The following SYNDIG1 variants were observed in gnomAD, a reference collection of about 807,000 sequenced individuals.
SYNDIG1 encodes synapse differentiation inducing 1, also known as synapse differentiation-inducing gene protein 1.
SYNDIG1 carries 9 observed loss-of-function variants against 19.4 expected under a neutral mutation model. The observed-to-expected ratio is 0.46, with a 90% CI of 0.28 to 0.81. The LOEUF is 0.81. SYNDIG1 is among the 30% of genes least tolerant of loss of function. The pLI is 0.12. For missense variants in SYNDIG1, 311 were observed against 343.3 expected, an observed-to-expected ratio of 0.91 and a Z score of 0.74; for synonymous variants, 141 against 145.9, an observed-to-expected ratio of 0.97 and a Z score of 0.24.
At chr20:24,648,181 A>G (rs1487073110) in intron 3 of SYNDIG1, among the ~76,000 whole-genome samples, 2 of 152,166 alleles carry the variant, frequency 1.3e-5, no homozygotes, top group Admixed American at 6.5e-5. Context: ...GTACACATAC[A>G]TGCAGTCCAT....
chr20:24,480,799 A>C (rs1030821037), intron 1 of SYNDIG1, among the ~76,000 whole-genome samples: 1 of 152,228 alleles, frequency 6.6e-6, no homozygotes, highest in Non-Finnish European at 1.5e-5. Flanking sequence ...CAGCCTTGAA[A>C]AGAAAAGAAA....
intron 3 of SYNDIG1, among the ~76,000 whole-genome samples, chr20:24,626,707 TG>T (rs1249035479): frequency 1.3e-5 from 2 of 152,130 alleles, no homozygotes; most frequent in African/African-American, 2.4e-5. Context: ...CTCGGCACTT[TG>T]GGGGGCCAAG....
intron 3 of SYNDIG1, among the ~76,000 whole-genome samples, chr20:24,630,658 A>G (rs903285082): frequency 6.6e-6 from 1 of 152,208 alleles, no homozygotes; most frequent in Non-Finnish European, 1.5e-5. Flanking sequence ...GGCTGCAGCA[A>G]CATCCACACT....
At chr20:24,504,981 A>T (rs1010873078) in intron 1 of SYNDIG1, among the ~76,000 whole-genome samples, 3 of 152,196 alleles carry the variant, frequency 2.0e-5, no homozygotes, top group Admixed American at 6.5e-5. Flanking sequence ...ACAAGGGGGA[A>T]GAATCAGTAG....
intron 3 of SYNDIG1, among the ~76,000 whole-genome samples, chr20:24,632,933 A>G (rs2059265540): frequency 6.6e-6 from 1 of 151,388 alleles, no homozygotes; most frequent in African/African-American, 2.4e-5. Flanking sequence ...GGGTACTGCC[A>G]TAGATTATGT....
At chr20:24,546,010 C>T (rs894049972) in intron 2 of SYNDIG1, among the ~76,000 whole-genome samples, 11 of 152,156 alleles carry the variant, frequency 7.2e-5, no homozygotes, top group African/African-American at 2.7e-4. Context: ...CAAGAAATGG[C>T]CCCTTCCACA....
At chr20:24,623,176 C>CAAA (rs56072016) in intron 3 of SYNDIG1, among the ~76,000 whole-genome samples, 1 of 140,678 alleles carries the variant, frequency 7.1e-6, no homozygotes, top group African/African-American at 2.7e-5. Context: ...AAGACTCCGT[C>CAAA]AAAAAAAAAA....
chr20:24,498,501 C>G (rs1245117591), intron 1 of SYNDIG1, among the ~76,000 whole-genome samples: 2 of 152,202 alleles, frequency 1.3e-5, no homozygotes, highest in African/African-American at 4.8e-5. Flanking sequence ...TGACCAACAC[C>G]TCCCCATTCC....
intron 3 of SYNDIG1, among the ~76,000 whole-genome samples, chr20:24,593,729 T>C (rs1382172903): frequency 1.3e-5 from 2 of 152,224 alleles, no homozygotes; most frequent in Non-Finnish European, 2.9e-5. Context: ...ATAATAGCCA[T>C]TTTGACTGTG....
At chr20:24,498,381 G>T (rs1490217239) in intron 1 of SYNDIG1, among the ~76,000 whole-genome samples, 1 of 152,142 alleles carries the variant, frequency 6.6e-6, no homozygotes, top group Non-Finnish European at 1.5e-5. Context: ...TATATTATAA[G>T]TGTATATTAA....
At chr20:24,617,253 G>A (rs538169938) in intron 3 of SYNDIG1, among the ~76,000 whole-genome samples, 27 of 152,202 alleles carry the variant, frequency 1.8e-4, no homozygotes, top group African/African-American at 5.8e-4. Context: ...CCGAACCTCC[G>A]TGCTCCTGGC....
intron 3 of SYNDIG1, among the ~76,000 whole-genome samples, chr20:24,650,349 T>C (rs2059457887): frequency 6.6e-6 from 1 of 152,218 alleles, no homozygotes; most frequent in African/African-American, 2.4e-5. Context: ...CCAGCTGCGC[T>C]AGAAATAAAT....
intron 1 of SYNDIG1, among the ~76,000 whole-genome samples, chr20:24,486,796 C>G (rs1452066690): frequency 6.6e-6 from 1 of 152,014 alleles, no homozygotes; most frequent in Non-Finnish European, 1.5e-5. Context: ...GTATCTGGGA[C>G]TACAGGTGTG....
chr20:24,568,620 G>A (rs548319151), intron 2 of SYNDIG1, among the ~76,000 whole-genome samples: 7 of 152,298 alleles, frequency 4.6e-5, no homozygotes, highest in East Asian at 3.9e-4. Context: ...GAGGTATGGC[G>A]CACATTGTCC....
chr20:24,475,462 T>C (rs75976164), intron 1 of SYNDIG1, among the ~76,000 whole-genome samples: 4,475 of 152,352 alleles, frequency 0.029, 105 homozygotes, highest in Non-Finnish European at 0.039. Flanking sequence ...CTTGTCCTTA[T>C]GGGTCGAGTG....
intron 2 of SYNDIG1, among the ~76,000 whole-genome samples, chr20:24,565,815 G>T (rs1186585868): frequency 6.6e-6 from 1 of 151,990 alleles, no homozygotes; most frequent in Non-Finnish European, 1.5e-5. Context: ...CCACTCCATG[G>T]GCTTTCCTGT....
intron 2 of SYNDIG1, among the ~76,000 whole-genome samples, chr20:24,553,749 C>G (rs1219558678): frequency 6.6e-6 from 1 of 152,146 alleles, no homozygotes; most frequent in African/African-American, 2.4e-5. Flanking sequence ...AGTGTGATGC[C>G]TCCAGCTTTG....
intron 2 of SYNDIG1, among the ~76,000 whole-genome samples, chr20:24,562,404 A>G (rs1054098273): frequency 2.0e-5 from 3 of 152,272 alleles, no homozygotes; most frequent in African/African-American, 7.2e-5. Flanking sequence ...GAATAGTAGT[A>G]TGGCATCTAA....
chr20:24,530,863 C>G (rs1040452455), intron 1 of SYNDIG1, among the ~76,000 whole-genome samples: 1 of 150,034 alleles, frequency 6.7e-6, no homozygotes, highest in Non-Finnish European at 1.5e-5. Flanking sequence ...GGCTGGAGAG[C>G]AGTGGTGCAA....
Sources: allele counts gnomAD v4.1 joint callset (sites outside exome capture counted in the v4.1 genomes callset), GRCh38; gene constraint gnomAD v4.1.1; transcripts MANE v1.5; gene names NCBI Gene and HGNC (gene_info 2026-07-23, HGNC 2026-07-21).